F3: variants seen among roughly 807,000 people sequenced by gnomAD.
F3 encodes the protein tissue factor.
A neutral mutation model predicts 33.5 loss-of-function variants in F3; 18 were observed. The ratio of observed to expected loss-of-function variants is 0.54; its 90% CI spans 0.37 to 0.80. F3 has a LOEUF of 0.80. Ranked by LOEUF, F3 falls within the 30% of genes least tolerant of loss-of-function variation. The probability of loss-of-function intolerance (pLI) is 0.00; values close to 1 mark genes in which losing one functional copy is unlikely to be tolerated. For missense variants in F3, 353 were observed against 362.1 expected, an observed-to-expected ratio of 0.97 and a Z score of 0.20; for synonymous variants, 147 against 140.7, an observed-to-expected ratio of 1.05 and a Z score of -0.32.
chr1:94,533,520 T>C (rs934849189), intron 3 of F3, among the ~76,000 whole-genome samples: 1 of 152,138 alleles, frequency 6.6e-6, no homozygotes, highest in South Asian at 2.1e-4. Context: ...TTAGAAAAAG[T>C]AAAAAGGAAC....
intron 2 of F3, among the ~76,000 whole-genome samples, chr1:94,539,964 C>T (rs1057137627): frequency 1.3e-5 from 2 of 152,252 alleles, no homozygotes; most frequent in African/African-American, 4.8e-5. Context: ...CCAAAGCACA[C>T]TTCAGTGCCT....
chr1:94,532,596 TGACAC>T, intron 4 of F3, 116 bp from the exon 5 acceptor site: 1 of 1,105,140 alleles, frequency 9.0e-7, no homozygotes, highest in Non-Finnish European at 1.3e-6. Flanking sequence ...AGAACACAGC[TGACAC>T]GTGAAGGATT....
intron 2 of F3, among the ~76,000 whole-genome samples, 180 bp downstream of exon 2, chr1:94,540,077 T>C (rs778800604): frequency 5.9e-5 from 9 of 152,270 alleles, no homozygotes; most frequent in Non-Finnish European, 1.2e-4. Context: ...CAGTTTAAGG[T>C]CTGGAAATGT....
intron 5 of F3, among the ~76,000 whole-genome samples, chr1:94,531,061 G>A (rs774042756): frequency 2.6e-5 from 4 of 152,094 alleles, no homozygotes; most frequent in Non-Finnish European, 5.9e-5. Context: ...GATAGAGAAC[G>A]GCCAGGGAAG....
intron 1 of F3, 125 bp from the exon 2 acceptor site, chr1:94,540,493 G>T (rs1203778959): frequency 8.7e-6 from 5 of 572,710 alleles, no homozygotes; most frequent in South Asian, 2.7e-5. Context: ...AACCACAAAA[G>T]CTTCATTAGT....
intron 2 of F3, among the ~76,000 whole-genome samples, chr1:94,538,705 C>T (rs1305802737): frequency 6.6e-6 from 1 of 152,150 alleles, no homozygotes; most frequent in Non-Finnish European, 1.5e-5. Context: ...CAACAGTTTC[C>T]TCAACTGTAA....
intron 4 of F3, 93 bp from the exon 5 acceptor site, chr1:94,532,573 A>C: frequency 7.2e-7 from 1 of 1,382,836 alleles, no homozygotes; most frequent in Non-Finnish European, 1.0e-6. Context: ...CTAGGTTCTA[A>C]GCAAAGCCTA....
At chr1:94,540,156 A>C in intron 2 of F3, 101 bp downstream of exon 2, 2 of 806,368 alleles carry the variant, frequency 2.5e-6, no homozygotes, top group Non-Finnish European at 4.1e-6. Flanking sequence ...GTCATCTGTT[A>C]AATAATTTCA....
Position 94,529,650 on chromosome 1 carries a change from A to AAT in F3, c.*808_*809dup, listed in dbSNP as rs1049406322. The AAT allele has an allele frequency of 2.2e-4, 33 of 152,536 alleles. No homozygotes were observed. Among genetic ancestry groups the AAT allele is most frequent in the African/African-American group, 8.0e-4 (33 of 41,444 alleles). The allele number at this position is 152,536 out of a possible 1,614,324, so 9.4% of individuals were successfully genotyped here. A position where few individuals can be genotyped will look rare whatever the true frequency, so the allele number is the denominator to read the frequency against. The stretch of plus-strand genomic sequence containing the variant: ...AATACAAAGTTTGCCAATTGTTTTG[A>AAT]ATTTCCAAATGTATTCCTGAAAAAA... On this transcript the variant is annotated 3_prime_UTR_variant, in exon 6 of 6. Coordinates refer to ENST00000334047, the MANE Select transcript of F3 (RefSeq NM_001993.5).
At position 94,532,404 on chromosome 1, in the gene F3, G is replaced by C. The variant is rs749031365; in HGVS notation, c.668C>G (p.Ala223Gly). 6.2e-7 allele frequency: 1 copy of C among 1,614,118 alleles called. No individual in the cohort carries two copies. The highest frequency in any genetic ancestry group is 2.2e-5 in the East Asian group (1 of 44,870). ...KGENYCFSVQAVIPSRTVNRK... is the reference protein window; with the variant it reads ...KGENYCFSVQGVIPSRTVNRK... ...GTTAACTGTTCGGGAGGGAATCACTGCTTGAACACTGAAACAGTAGTTTTC... is the reference window on the plus strand; with the variant it reads ...GTTAACTGTTCGGGAGGGAATCACTCCTTGAACACTGAAACAGTAGTTTTC... Residue 223 changes from alanine to glycine, a missense_variant, in exon 5 of 6, where the codon GCA becomes GGA. Physicochemically the swap from Ala to Gly is moderately conservative, Grantham distance 60. Transcript: ENST00000334047.
At chr1:94,533,778 C>A (rs1651506537) in intron 3 of F3, among the ~76,000 whole-genome samples, 1 of 152,094 alleles carries the variant, frequency 6.6e-6, no homozygotes, top group South Asian at 2.1e-4. Context: ...TGATCCACTT[C>A]CACTTTATCA....
chr1:94,536,036 T>A lies in F3; in HGVS notation c.341A>T (p.Asn114Ile). 6.2e-7 allele frequency: 1 copy of A among 1,614,044 alleles called. No homozygotes were observed. The change falls in exon 3 of 6, where the codon AAT (asparagine) becomes ATT (isoleucine). Residue 114 changes from asparagine (N) to isoleucine (I), a missense_variant. By Grantham distance (149) the Asn-to-Ile change is moderately radical. Coordinates refer to ENST00000334047, the MANE Select transcript of F3 (RefSeq NM_001993.5). ...CCCAGCAGAACCGGTGCTCTCCACA[T>A]TCCCTGCCGGGTAGGAGAAGACCCG... ...LARVFSYPAG[N>I]VESTGSAGEP...
At chr1:94,532,600 A>G (rs1447192005) in intron 4 of F3, 120 bp from the exon 5 acceptor site, 6 of 1,064,352 alleles carry the variant, frequency 5.6e-6, no homozygotes, top group Non-Finnish European at 8.2e-6. Flanking sequence ...CACAGCTGAC[A>G]CGTGAAGGAT....
In F3 at chr1:94,533,132, T is replaced by G. The variant is rs1422539843; in HGVS notation, c.549A>C (p.Leu183Phe). The G allele has an allele frequency of 6.2e-7, 1 of 1,613,730 alleles. No individual in the cohort carries two copies. The highest frequency in any genetic ancestry group is 8.5e-7 in the Non-Finnish European group (1 of 1,179,922). The change falls in exon 4 of 6, where the codon TTA becomes TTC. Residue 183 changes from leucine to phenylalanine, a missense_variant. By Grantham distance (22) the Leu-to-Phe change is conservative. Coordinates refer to ENST00000334047, the MANE Select transcript of F3 (RefSeq NM_001993.5). ...ATTTCCAATAATAAAGTGTATAAAT[T>G]AAGTCCTTGCCAAAAACATCCCGGA... Reference protein sequence around the residue: ...LSLRDVFGKDLIYTLYYWKSS... With the variant: ...LSLRDVFGKDFIYTLYYWKSS...
intron 2 of F3, among the ~76,000 whole-genome samples, chr1:94,537,676 C>A (rs1268990051): frequency 6.6e-6 from 1 of 152,184 alleles, no homozygotes; most frequent in East Asian, 1.9e-4. Flanking sequence ...CTTTCAAAAT[C>A]TGAACTAAGT....
chr1:94,531,185 G>C (rs1651413598), intron 5 of F3, among the ~76,000 whole-genome samples: 1 of 152,162 alleles, frequency 6.6e-6, no homozygotes, highest in South Asian at 2.1e-4. Context: ...CAGAGGTAAA[G>C]AGAAACCTCT....
intron 5 of F3, 52 bp from the exon 6 acceptor site, chr1:94,530,648 C>A (rs765564480): frequency 1.2e-6 from 2 of 1,607,064 alleles, no homozygotes; most frequent in Admixed American, 1.7e-5. Flanking sequence ...TCCCATTTAT[C>A]AGTGGACAAA....
intron 2 of F3, among the ~76,000 whole-genome samples, chr1:94,540,052 A>G (rs1163471814): frequency 1.3e-5 from 2 of 152,234 alleles, no homozygotes; most frequent in Admixed American, 6.5e-5. Context: ...AATTAAAACA[A>G]TTAAAATGTT....
In F3 at chr1:94,541,659, C is replaced by T; in HGVS notation, c.-23G>A. On this transcript the variant is annotated 5_prime_UTR_variant, in exon 1 of 6. Transcript: ENST00000334047. ...CATGTCTACCAGTTGGCGGCGAGATCGAGCGGGTTCCGTGGCGCCCGTGGG... is the reference window on the plus strand; with the variant it reads ...CATGTCTACCAGTTGGCGGCGAGATTGAGCGGGTTCCGTGGCGCCCGTGGG... The T allele has an allele frequency of 7.3e-7, 1 of 1,375,876 alleles. No individual in the cohort carries two copies. Among genetic ancestry groups the T allele is most frequent in the South Asian group, 1.8e-5 (1 of 56,286 alleles). 85.2% of individuals were successfully genotyped at this position (1,375,876 alleles called of 1,614,324 possible).
Sources: gnomAD v4.1 joint callset for allele counts (sites outside exome capture counted in the v4.1 genomes callset) on GRCh38, gnomAD v4.1.1 for gene constraint, MANE v1.5 for transcripts, NCBI Gene and HGNC (gene_info 2026-07-23, HGNC 2026-07-21) for gene names.